Variants in CFAP299 observed in about 807,000 individuals in gnomAD.
CFAP299 encodes the protein cilia and flagella associated protein 299.
CFAP299 carries 21 observed loss-of-function variants against 27.0 expected under a neutral mutation model. The observed-to-expected ratio is 0.78, with a 90% CI of 0.55 to 1.12. The LOEUF (loss-of-function observed/expected upper bound fraction) is 1.12, where lower values mean the gene tolerates loss of function less well. Ranked by LOEUF, CFAP299 falls within the 50% of genes most tolerant of loss-of-function variation. CFAP299 has a pLI of 0.00. For missense variants in CFAP299, 310 were observed against 276.6 expected, an observed-to-expected ratio of 1.12 and a Z score of -0.86; for synonymous variants, 104 against 98.1, an observed-to-expected ratio of 1.06 and a Z score of -0.36.
chr4:80,903,444 T>C (rs891864881), intron 4 of CFAP299, among the ~76,000 whole-genome samples: 10 of 152,006 alleles, frequency 6.6e-5, no homozygotes, highest in African/African-American at 2.4e-4. Context: ...TTTGCTATAA[T>C]ATTATTTTGT....
At chr4:80,796,317 T>C (rs1251956239) in intron 3 of CFAP299, among the ~76,000 whole-genome samples, 1 of 152,160 alleles carries the variant, frequency 6.6e-6, no homozygotes, top group Non-Finnish European at 1.5e-5. Context: ...TTTCCCATCC[T>C]CTGGCATGCA....
intron 3 of CFAP299, among the ~76,000 whole-genome samples, chr4:80,789,881 C>A (rs1352168710): frequency 6.6e-6 from 1 of 151,972 alleles, no homozygotes; most frequent in African/African-American, 2.4e-5. Flanking sequence ...TGTCATAGAC[C>A]ACTCACCTTA....
chr4:80,687,898 T>A (rs1023352709), intron 3 of CFAP299, among the ~76,000 whole-genome samples: 2 of 151,946 alleles, frequency 1.3e-5, no homozygotes. Context: ...GGTCAGGGAG[T>A]TCCCTTTCAT....
At chr4:80,525,367 T>A (rs1461711379) in intron 2 of CFAP299, among the ~76,000 whole-genome samples, 1 of 152,142 alleles carries the variant, frequency 6.6e-6, no homozygotes, top group African/African-American at 2.4e-5. Flanking sequence ...TTTATCCATA[T>A]CCATCAGCTT....
chr4:80,791,568 G>A lies in CFAP299; in HGVS notation c.334-78425G>A, dbSNP rs76013378. Among the ~76,000 whole-genome samples the A allele has an allele frequency of 1.8e-4, 27 of 152,116 alleles. No homozygotes were observed. In the East Asian group the frequency reaches 4.1e-3, roughly 23 times the overall value. ...TAAGATAGAAGTAAACTTTCCATGC[G>A]TATTGAAGACTTAACACTGAAATCT... is the stretch of plus-strand genomic sequence containing the variant. On this transcript the variant is annotated intron_variant, in intron 3 of 5. Coordinates refer to ENST00000358105, the MANE Select transcript of CFAP299 (RefSeq NM_152770.3).
intron 2 of CFAP299, among the ~76,000 whole-genome samples, chr4:80,500,792 C>G (rs779632836): frequency 1.3e-5 from 2 of 152,082 alleles, no homozygotes; most frequent in African/African-American, 4.8e-5. Flanking sequence ...AATATTGGTA[C>G]AGACTGTTCT....
chr4:80,456,155 C>T (rs1193213616), intron 2 of CFAP299, among the ~76,000 whole-genome samples: 4 of 152,054 alleles, frequency 2.6e-5, no homozygotes, highest in East Asian at 3.9e-4. Flanking sequence ...AGCCAAACCC[C>T]ATGCTTGGAC....
At chr4:80,851,042 T>A (rs1731493003) in intron 3 of CFAP299, among the ~76,000 whole-genome samples, 1 of 152,120 alleles carries the variant, frequency 6.6e-6, no homozygotes, top group Non-Finnish European at 1.5e-5. Context: ...GTTTTAAAAA[T>A]CTAGATGCCT....
intron 2 of CFAP299, among the ~76,000 whole-genome samples, chr4:80,443,678 C>T (rs1728478336): frequency 6.6e-6 from 1 of 152,108 alleles, no homozygotes; most frequent in Admixed American, 6.5e-5. Context: ...AAGTCCTGGC[C>T]AGGGCAGTCA....
chr4:80,497,864 C>A (rs569490566), intron 2 of CFAP299, among the ~76,000 whole-genome samples: 3 of 152,196 alleles, frequency 2.0e-5, no homozygotes, highest in African/African-American at 4.8e-5. Flanking sequence ...AAGTATATTA[C>A]AAGGCTGCAG....
rs1560419374 is a variant in CFAP299, at chr4:80,800,557, T to TTATATAATATATTAATATAAATATAA, written c.334-69411_334-69410insATATATAATATATTAATATAAATATA. Among the ~76,000 whole-genome samples the TTATATAATATATTAATATAAATATAA allele has an allele frequency of 1.1e-4, 4 of 37,834 alleles. No homozygotes were observed. In the East Asian group the frequency reaches 2.0e-3, roughly 19 times the overall value. 24.8% of individuals were successfully genotyped at this position (37,834 alleles called of 152,430 possible). A position where few individuals can be genotyped will look rare whatever the true frequency, so the allele number is the denominator to read the frequency against. On this transcript the variant is annotated intron_variant, in intron 3 of 5. Transcript: ENST00000358105. ...ATATAATATATAATATATCAATATA[T>TTATATAATATATTAATATAAATATAA]TATATAATATATTAATATAAATATA...
At chr4:80,409,985 A>G (rs1299096460) in intron 2 of CFAP299, among the ~76,000 whole-genome samples, 1 of 152,212 alleles carries the variant, frequency 6.6e-6, no homozygotes, top group African/African-American at 2.4e-5. Context: ...TCCAGCGAAG[A>G]TCAGCAGAAG....
At chr4:80,549,745 T>C (rs188726450) in intron 2 of CFAP299, among the ~76,000 whole-genome samples, 22 of 152,262 alleles carry the variant, frequency 1.4e-4, no homozygotes, top group Middle Eastern at 3.4e-3. Flanking sequence ...TATTAAATAC[T>C]GTATTTGAAT....
At chr4:80,867,293 A>G (rs958899314) in intron 3 of CFAP299, among the ~76,000 whole-genome samples, 2 of 152,124 alleles carry the variant, frequency 1.3e-5, no homozygotes, top group Non-Finnish European at 2.9e-5. Flanking sequence ...CTCTTTTTGG[A>G]TAAAAACTCT....
chr4:80,414,387 G>A (rs1311414814), intron 2 of CFAP299, among the ~76,000 whole-genome samples: 1 of 152,114 alleles, frequency 6.6e-6, no homozygotes, highest in African/African-American at 2.4e-5. Context: ...CTAATGTAGT[G>A]AGACGTGTCT....
At position 80,461,542 on chromosome 4, in the gene CFAP299, A is replaced by G. The variant is rs539788528; in HGVS notation, c.242+98658A>G. ...CCTTAAGGTCTCTGTTTTAGTGTTA[A>G]TTGCTGGTCATCTGCGCCTGAATTC... is the stretch of plus-strand genomic sequence containing the variant. On this transcript the variant is annotated intron_variant, in intron 2 of 5. Coordinates refer to ENST00000358105, the MANE Select transcript of CFAP299 (RefSeq NM_152770.3). 2.6e-4 allele frequency among the ~76,000 whole-genome samples: 40 copies of G among 152,190 alleles called. 1 individual carries two copies. Among genetic ancestry groups the G allele is most frequent in the African/African-American group, 8.9e-4 (37 of 41,554 alleles).
At chr4:80,396,363 C>T (rs989624048) in intron 2 of CFAP299, among the ~76,000 whole-genome samples, 1 of 152,066 alleles carries the variant, frequency 6.6e-6, no homozygotes, top group Non-Finnish European at 1.5e-5. Context: ...TAACAGCAAA[C>T]ACCCATGTTT....
intron 2 of CFAP299, among the ~76,000 whole-genome samples, chr4:80,475,099 G>A (rs538048739): frequency 1.4e-4 from 21 of 152,266 alleles, no homozygotes; most frequent in Middle Eastern, 3.4e-3. Context: ...CTGTTGGGGG[G>A]TAGTGAGAAG....
chr4:80,414,217 C>T (rs1469132304), intron 2 of CFAP299, among the ~76,000 whole-genome samples: 3 of 150,630 alleles, frequency 2.0e-5, no homozygotes, highest in Non-Finnish European at 4.4e-5. Context: ...ACTACAGGCG[C>T]CCGCCACTAC....
Sources: allele counts gnomAD v4.1 joint callset (sites outside exome capture counted in the v4.1 genomes callset), GRCh38; gene constraint gnomAD v4.1.1; transcripts MANE v1.5; gene names NCBI Gene and HGNC (gene_info 2026-07-23, HGNC 2026-07-21).